The following FANCD2 variants were observed in gnomAD, a reference collection of about 807,000 sequenced individuals.
The protein encoded by FANCD2 is FA complementation group D2.
FANCD2 carries 131 observed loss-of-function variants against 192.3 expected under a neutral mutation model. That is an observed-to-expected ratio of 0.68 (90% CI 0.59 to 0.79). FANCD2 has a LOEUF of 0.79. FANCD2 is among the 30% of genes least tolerant of loss of function. The pLI, the probability that FANCD2 is intolerant of heterozygous loss-of-function variation, is 0.00. For missense variants in FANCD2, 1,508 were observed against 1,701.6 expected, an observed-to-expected ratio of 0.89 and a Z score of 2.00; for synonymous variants, 524 against 612.5, an observed-to-expected ratio of 0.86 and a Z score of 2.13.
chr3:10,101,064 T>TA, intron 43 of FANCD2, 124 bp from the exon 44 acceptor site: 18 of 701,596 alleles, frequency 2.6e-5, no homozygotes, highest in East Asian at 2.9e-5. Context: ...CAAGACTCCT[T>TA]TAAAAAAAAA....
At chr3:10,095,762 G>T (rs1694916318) in intron 41 of FANCD2, among the ~76,000 whole-genome samples, 2 of 152,134 alleles carry the variant, frequency 1.3e-5, no homozygotes, top group South Asian at 4.1e-4. Flanking sequence ...CGTTTTGTCT[G>T]AATGAACACA....
At chr3:10,029,603 G>GT (rs1396114613) in intron 2 of FANCD2, among the ~76,000 whole-genome samples, 1 of 152,076 alleles carries the variant, frequency 6.6e-6, no homozygotes, top group South Asian at 2.1e-4. Flanking sequence ...ATTTTACTAG[G>GT]TTTTTTGGGA....
chr3:10,050,420 C>G (rs1264876541), intron 17 of FANCD2, among the ~76,000 whole-genome samples: 9 of 151,048 alleles, frequency 6.0e-5, no homozygotes, highest in East Asian at 2.0e-4. Context: ...GTCAGGAGAT[C>G]AAGACCATCC....
chr3:10,078,281 T>C lies in FANCD2; in HGVS notation c.2976+84T>C, dbSNP rs1034109865. Reference sequence around the variant, plus strand: ...TTATGATGAAAAAGTTGTCACTTTCTTTGGCATTGTGTTTGGGTCACTGGG... The same window carrying C: ...TTATGATGAAAAAGTTGTCACTTTCCTTGGCATTGTGTTTGGGTCACTGGG... On this transcript the variant is annotated intron_variant, in intron 30 of 43. Transcript: ENST00000675286. 3 of 908,942 alleles carry C rather than the reference T, an allele frequency of 3.3e-6. No homozygotes were observed. In the African/African-American group the frequency reaches 4.9e-5, roughly 15 times the overall value. The allele number at this position is 908,942 out of a possible 1,614,324, so 56.3% of individuals were successfully genotyped here.
chr3:10,044,562 G>A (rs1472634087), intron 14 of FANCD2, among the ~76,000 whole-genome samples: 1 of 151,952 alleles, frequency 6.6e-6, no homozygotes, highest in African/African-American at 2.4e-5. Context: ...ACTCCAGCCT[G>A]GGCGACAGTG....
In FANCD2 at chr3:10,036,184, G is replaced by C. The variant is rs1437245321; in HGVS notation, c.439-103G>C. ...TCACTGCAATCTCTGCCTTCCCCAG[G>C]TCCAAGAGGTTCTCGTGCCTCAGCC... is the stretch of plus-strand genomic sequence containing the variant. On this transcript the variant is annotated intron_variant, in intron 6 of 43. Coordinates refer to ENST00000675286, the MANE Select transcript of FANCD2 (RefSeq NM_001018115.3). 4.6e-6 allele frequency: 4 copies of C among 876,022 alleles called. No homozygotes were observed. The Admixed American group carries it at 7.5e-5, about 16-fold the overall frequency. 54.3% of individuals were successfully genotyped at this position (876,022 alleles called of 1,614,324 possible). A position where few individuals can be genotyped will look rare whatever the true frequency, so the allele number is the denominator to read the frequency against.
At chr3:10,067,459 C>T in intron 26 of FANCD2, 142 bp downstream of exon 26, 1 of 652,184 alleles carries the variant, frequency 1.5e-6, no homozygotes, top group South Asian at 1.7e-5. Flanking sequence ...AACATTGATA[C>T]AAAAATCCTA....
rs587778329 is a variant in FANCD2, at chr3:10,072,943, C to T, written c.2567C>T (p.Thr856Ile). The stretch of plus-strand genomic sequence containing the variant: ...TTAGATATAACACCTCATACTGTTA[C>T]TGCTATTTCAGCAAAAATCAGAAAG... ...ETLDITPHTV[T>I]AISAKIRKKG... The change falls in exon 27 of 44, where the codon ACT (threonine) becomes ATT (isoleucine). Residue 856 changes from threonine (T) to isoleucine (I), a missense_variant. Coordinates refer to ENST00000675286, the MANE Select transcript of FANCD2 (RefSeq NM_001018115.3). 8 of 1,609,220 alleles carry T rather than the reference C, an allele frequency of 5.0e-6. No individual in the cohort carries two copies. Among genetic ancestry groups the T allele is most frequent in the Non-Finnish European group, 6.8e-6 (8 of 1,175,688 alleles).
intron 15 of FANCD2, 143 bp from the exon 16 acceptor site, chr3:10,047,774 G>A: frequency 5.4e-6 from 5 of 934,548 alleles, no homozygotes; most frequent in Non-Finnish European, 8.6e-6. Flanking sequence ...TTATTTTTGT[G>A]TAAAACAAAG....
At chr3:10,082,241 T>C (rs1391729057) in intron 32 of FANCD2, among the ~76,000 whole-genome samples, 1 of 152,182 alleles carries the variant, frequency 6.6e-6, no homozygotes, top group Non-Finnish European at 1.5e-5. Context: ...ACCGTCTTTT[T>C]CCCACATCTG....
chr3:10,060,256 T>G (rs763358836), intron 18 of FANCD2, 38 bp from the exon 19 acceptor site: 3 of 1,434,608 alleles, frequency 2.1e-6, no homozygotes, highest in Non-Finnish European at 2.0e-6. Context: ...TGCTGTGCCA[T>G]TCCAGCATTT....
At chr3:10,075,989 C>T (rs949190091) in intron 29 of FANCD2, among the ~76,000 whole-genome samples, 4 of 151,824 alleles carry the variant, frequency 2.6e-5, no homozygotes, top group Non-Finnish European at 5.9e-5. Flanking sequence ...CCTTGGCCTC[C>T]CAAAGTGTTG....
At chr3:10,070,369 A>C (rs185575926) in intron 26 of FANCD2, among the ~76,000 whole-genome samples, 5,229 of 134,484 alleles carry the variant, frequency 0.039, 349 homozygotes, top group African/African-American at 0.15. Context: ...CCCGTCCGGG[A>C]GGGAGGTCAG....
chr3:10,037,713 A>G (rs1251948678), intron 7 of FANCD2: 1 of 152,258 alleles, frequency 6.6e-6, no homozygotes, highest in East Asian at 1.9e-4. Context: ...CAAAAAATAG[A>G]AATATTATGT....
Position 10,028,673 on chromosome 3 carries a change from A to G in FANCD2, c.16A>G (p.Arg6Gly). The G allele has an allele frequency of 1.9e-6, 3 of 1,614,178 alleles. No homozygotes were observed. The Middle Eastern group carries it at 5.0e-4, about 266-fold the overall frequency. The change falls in exon 2 of 44, where the codon AGA (arginine) becomes GGA (glycine). Residue 6 changes from arginine (R) to glycine (G), a missense_variant. By Grantham distance (125) the Arg-to-Gly change is moderately radical. Coordinates refer to ENST00000675286, the MANE Select transcript of FANCD2 (RefSeq NM_001018115.3). ...ATTGGTCAAAATGGTTTCCAAAAGAAGACTGTCAAAATCTGAGGATAAAGA... is the reference window on the plus strand; with the variant it reads ...ATTGGTCAAAATGGTTTCCAAAAGAGGACTGTCAAAATCTGAGGATAAAGA... MVSKR[R>G]LSKSEDKESL...
intron 32 of FANCD2, among the ~76,000 whole-genome samples, chr3:10,084,701 A>G (rs998535791): frequency 2.8e-4 from 42 of 152,226 alleles, no homozygotes; most frequent in African/African-American, 1.0e-3. Context: ...CCCTCAGAAT[A>G]CATTTGTTGA....
chr3:10,099,438 C>T, intron 43 of FANCD2: 1 of 587,556 alleles, frequency 1.7e-6, no homozygotes, highest in Non-Finnish European at 2.3e-6. Context: ...AGCTGCACAA[C>T]ATAACAAGAC....
rs34304469 is a variant in FANCD2, at chr3:10,076,380, G to C, written c.2860-1701G>C. On this transcript the variant is annotated intron_variant, in intron 29 of 43. Coordinates refer to ENST00000675286, the MANE Select transcript of FANCD2 (RefSeq NM_001018115.3). Reference sequence around the variant, plus strand: ...CGCATCTTGGATCCACAACTAGAAAGGTATACAGAGGAATTTATAGAGAAA... The same window carrying C: ...CGCATCTTGGATCCACAACTAGAAACGTATACAGAGGAATTTATAGAGAAA... Among the ~76,000 whole-genome samples, 6 of 151,736 alleles carry C rather than the reference G, an allele frequency of 4.0e-5. No homozygotes were observed. The East Asian group carries it at 1.2e-3, about 29-fold the overall frequency.
At chr3:10,047,255 TC>T (rs1446747257) in intron 15 of FANCD2, among the ~76,000 whole-genome samples, 1 of 152,308 alleles carries the variant, frequency 6.6e-6, no homozygotes, top group Non-Finnish European at 1.5e-5. Flanking sequence ...ATCTTGCAGT[TC>T]TTTCTGTGTT....
Sources: gnomAD v4.1 joint callset for allele counts (sites outside exome capture counted in the v4.1 genomes callset) on GRCh38, gnomAD v4.1.1 for gene constraint, MANE v1.5 for transcripts, NCBI Gene and HGNC (gene_info 2026-07-23, HGNC 2026-07-21) for gene names.